FBXW10B: variants seen among roughly 807,000 people sequenced by gnomAD.
The protein encoded by FBXW10B is F-box and WD repeat domain containing 10B, also known as F-box and WD repeat domain containing protein 10B.
chr17:15,567,756 C>T, the FBXW10B span, among the ~76,000 whole-genome samples: 1 of 152,056 alleles, frequency 6.6e-6, no homozygotes, highest in South Asian at 2.1e-4. Flanking sequence ...ATAATAAGAT[C>T]GCTAAAATCA....
chr17:15,618,608 G>C, the FBXW10B span, among the ~76,000 whole-genome samples: 8 of 151,386 alleles, frequency 5.3e-5, no homozygotes, highest in African/African-American at 7.3e-5. Context: ...TTCTGTGCAG[G>C]GCAGCTGAAG....
chr17:15,595,153 A>G, the FBXW10B span, among the ~76,000 whole-genome samples: 1 of 152,108 alleles, frequency 6.6e-6, no homozygotes, highest in Non-Finnish European at 1.5e-5. Flanking sequence ...CATCCTGGCC[A>G]ACATGGTGAC....
At chr17:15,567,368 A>G in the FBXW10B span, among the ~76,000 whole-genome samples, 2 of 151,960 alleles carry the variant, frequency 1.3e-5, no homozygotes, top group Non-Finnish European at 2.9e-5. Flanking sequence ...TTATAAAAAA[A>G]GGAATTGTGA....
chr17:15,572,525 AT>A, the FBXW10B span: 2 of 152,292 alleles, frequency 1.3e-5, no homozygotes, highest in Admixed American at 6.5e-5. Flanking sequence ...CCCTGCCTTC[AT>A]TCCCGTCCGG....
At chr17:15,565,960 G>A in the FBXW10B span, 9 of 1,588,092 alleles carry the variant, frequency 5.7e-6, no homozygotes, top group East Asian at 2.0e-4. Context: ...GATAATCATG[G>A]GCTCGGGTAT....
the FBXW10B span, among the ~76,000 whole-genome samples, chr17:15,592,845 C>G: frequency 6.6e-6 from 1 of 152,130 alleles, no homozygotes; most frequent in Non-Finnish European, 1.5e-5. Context: ...TGGCTCACAC[C>G]TGTAATCCCA....
chr17:15,605,490 C>A, the FBXW10B span: 2 of 1,211,826 alleles, frequency 1.7e-6, no homozygotes, highest in East Asian at 2.6e-5. Context: ...ACTGACTTAG[C>A]CCCATGACTT....
the FBXW10B span, among the ~76,000 whole-genome samples, chr17:15,602,842 T>C: frequency 1.6e-5 from 2 of 122,778 alleles, 1 homozygote; most frequent in African/African-American, 7.9e-5. Context: ...TTAGCCAGGA[T>C]GGTCTCGATC....
the FBXW10B span, chr17:15,574,044 C>T: frequency 1.5e-6 from 1 of 673,510 alleles, no homozygotes; most frequent in South Asian, 1.6e-5. Context: ...GTGTCTCTCA[C>T]GCTGCTGGGA....
At chr17:15,618,862 G>A in the FBXW10B span, 8 of 1,474,572 alleles carry the variant, frequency 5.4e-6, no homozygotes, top group East Asian at 2.5e-5. Context: ...GTGTCAGGAC[G>A]AGGTGTCAGT....
At chr17:15,568,448 T>G in the FBXW10B span, among the ~76,000 whole-genome samples, 11 of 152,294 alleles carry the variant, frequency 7.2e-5, no homozygotes, top group Non-Finnish European at 1.5e-4. Context: ...AAGGATTACT[T>G]CTCAGGGAAT....
At chr17:15,607,045 T>C in the FBXW10B span, among the ~76,000 whole-genome samples, 2 of 151,892 alleles carry the variant, frequency 1.3e-5, no homozygotes, top group Non-Finnish European at 2.9e-5. Context: ...ATATTTACCA[T>C]GGGAAGATAT....
chr17:15,608,690 G>A, the FBXW10B span, among the ~76,000 whole-genome samples: 1 of 152,128 alleles, frequency 6.6e-6, no homozygotes, highest in Admixed American at 6.6e-5. Context: ...CTGACCTCAC[G>A]TGATCTGCCT....
the FBXW10B span, chr17:15,607,569 C>T: frequency 6.2e-7 from 1 of 1,611,430 alleles, no homozygotes; most frequent in East Asian, 2.2e-5. Context: ...GACCCCAGTA[C>T]CTACGTGTCA....
chr17:15,611,685 G>A, the FBXW10B span, among the ~76,000 whole-genome samples: 1 of 152,144 alleles, frequency 6.6e-6, no homozygotes, highest in Non-Finnish European at 1.5e-5. Context: ...GCTGCCTTAT[G>A]GGAAGCGACA....
chr17:15,616,665 G>A, the FBXW10B span, among the ~76,000 whole-genome samples: 1 of 151,762 alleles, frequency 6.6e-6, no homozygotes, highest in Non-Finnish European at 1.5e-5. Flanking sequence ...AATTAGCCGG[G>A]CGTGGTGGTG....
chr17:15,598,431 A>G, the FBXW10B span: 1 of 1,601,830 alleles, frequency 6.2e-7, no homozygotes, highest in Non-Finnish European at 8.5e-7. Flanking sequence ...ATGATAAAGA[A>G]TAAATGAGTG....
the FBXW10B span, among the ~76,000 whole-genome samples, chr17:15,614,551 G>A: frequency 6.6e-6 from 1 of 151,996 alleles, no homozygotes; most frequent in Non-Finnish European, 1.5e-5. Flanking sequence ...TCAGCCCAAG[G>A]AGAAGTCTAG....
chr17:15,604,904 C>T, the FBXW10B span, among the ~76,000 whole-genome samples: 1 of 152,192 alleles, frequency 6.6e-6, no homozygotes, highest in Admixed American at 6.5e-5. Context: ...AACCACGTTC[C>T]CCTGAAAGAA....
Sources: allele counts gnomAD v4.1 joint callset (sites outside exome capture counted in the v4.1 genomes callset), GRCh38; gene constraint gnomAD v4.1.1; transcripts MANE v1.5; gene names NCBI Gene and HGNC (gene_info 2026-07-23, HGNC 2026-07-21).